The following RNLS variants were observed in gnomAD, a reference collection of about 807,000 sequenced individuals.
RNLS encodes renalase.
Under a neutral mutation model 39.8 loss-of-function variants are expected in RNLS, and 39 were observed. The observed-to-expected ratio is 0.98, with a 90% CI of 0.76 to 1.28. The LOEUF (loss-of-function observed/expected upper bound fraction) is 1.28, where lower values mean the gene tolerates loss of function less well. Ranked by LOEUF, RNLS falls within the 50% of genes most tolerant of loss-of-function variation. The probability of loss-of-function intolerance (pLI) is 0.00; values close to 1 mark genes in which losing one functional copy is unlikely to be tolerated. For missense variants in RNLS, 410 were observed against 413.3 expected, an observed-to-expected ratio of 0.99 and a Z score of 0.07; for synonymous variants, 147 against 150.7, an observed-to-expected ratio of 0.98 and a Z score of 0.18.
intron 4 of RNLS, among the ~76,000 whole-genome samples, chr10:88,366,663 GAAAAAAAAAAAAA>G (rs774157650): frequency 3.1e-4 from 8 of 25,840 alleles, no homozygotes; most frequent in Non-Finnish European, 4.0e-4. Flanking sequence ...TAAGTTTTCT[GAAAAAAAAAAAAA>G]AAAAAAAAAA....
intron 4 of RNLS, among the ~76,000 whole-genome samples, chr10:88,421,499 A>G (rs1298238430): frequency 2.0e-5 from 3 of 152,026 alleles, no homozygotes; most frequent in African/African-American, 7.2e-5. Flanking sequence ...AGCTTCTCAT[A>G]TGTGTTCATT....
intron 4 of RNLS, among the ~76,000 whole-genome samples, chr10:88,438,427 C>T (rs1328274980): frequency 6.6e-6 from 1 of 152,248 alleles, no homozygotes; most frequent in East Asian, 1.9e-4. Flanking sequence ...AAAATTTATG[C>T]TACTTATAAC....
At chr10:88,469,564 C>G (rs895771848) in intron 4 of RNLS, among the ~76,000 whole-genome samples, 6 of 152,112 alleles carry the variant, frequency 3.9e-5, no homozygotes, top group African/African-American at 1.4e-4. Flanking sequence ...TAAAGAAATA[C>G]TGAATTAAAG....
At chr10:88,253,576 G>T in the RNLS span, among the ~76,000 whole-genome samples, 4 of 152,148 alleles carry the variant, frequency 2.6e-5, no homozygotes, top group Non-Finnish European at 5.9e-5. Flanking sequence ...AGAACCATGT[G>T]GTGCCCTTTC....
intron 4 of RNLS, among the ~76,000 whole-genome samples, chr10:88,552,679 T>C (rs1848654498): frequency 6.6e-6 from 1 of 152,184 alleles, no homozygotes; most frequent in Admixed American, 6.5e-5. Flanking sequence ...CTGAGTGCTA[T>C]CATCTTAAAA....
intron 6 of RNLS, among the ~76,000 whole-genome samples, chr10:88,299,999 A>G (rs1302402160): frequency 6.6e-6 from 1 of 152,246 alleles, no homozygotes; most frequent in Admixed American, 6.5e-5. Flanking sequence ...CAAAAAAAGA[A>G]TGATATAAGA....
At chr10:88,203,259 T>TATATATATATATATATATATATATAC in the RNLS span, among the ~76,000 whole-genome samples, 3 of 20,380 alleles carry the variant, frequency 1.5e-4, 1 homozygote, top group East Asian at 3.1e-3. Flanking sequence ...TGTGTGTGTG[T>TATATATATATATATATATATATATAC]GTGTGTATGT....
intron 4 of RNLS, among the ~76,000 whole-genome samples, chr10:88,561,327 T>G (rs1011523233): frequency 2.0e-5 from 3 of 152,056 alleles, no homozygotes. Context: ...TTGATTATAA[T>G]GAAAACAATG....
intron 4 of RNLS, among the ~76,000 whole-genome samples, chr10:88,393,666 T>A (rs1852360019): frequency 6.6e-6 from 1 of 152,108 alleles, no homozygotes; most frequent in African/African-American, 2.4e-5. Context: ...TACCAATGAC[T>A]TTCTTCACAG....
the RNLS span, among the ~76,000 whole-genome samples, chr10:88,179,885 C>T: frequency 6.6e-6 from 1 of 152,238 alleles, no homozygotes; most frequent in African/African-American, 2.4e-5. Flanking sequence ...GGAGGTGAAT[C>T]TTCCATAAAC....
At chr10:88,471,879 T>C (rs1440474768) in intron 4 of RNLS, among the ~76,000 whole-genome samples, 1 of 152,096 alleles carries the variant, frequency 6.6e-6, no homozygotes, top group African/African-American at 2.4e-5. Flanking sequence ...AGAGTTGTTA[T>C]TGGAGATCAG....
At chr10:88,500,052 A>C (rs1845388799) in intron 4 of RNLS, among the ~76,000 whole-genome samples, 1 of 152,196 alleles carries the variant, frequency 6.6e-6, no homozygotes, top group African/African-American at 2.4e-5. Flanking sequence ...CAACCTGTAA[A>C]GATTTAATGA....
chr10:88,244,262 A>G, the RNLS span, among the ~76,000 whole-genome samples: 1 of 151,718 alleles, frequency 6.6e-6, no homozygotes, highest in African/African-American at 2.4e-5. Context: ...GGCGCTGCCC[A>G]CTCCCTCCTC....
chr10:88,572,780 T>A (rs1200324446), intron 4 of RNLS, 123 bp downstream of exon 4: 1 of 1,016,936 alleles, frequency 9.8e-7, no homozygotes, highest in African/African-American at 1.6e-5. Context: ...AGTATCAGTT[T>A]TTAAGACAGG....
At chr10:88,547,430 A>G (rs572525837) in intron 4 of RNLS, among the ~76,000 whole-genome samples, 2 of 152,346 alleles carry the variant, frequency 1.3e-5, no homozygotes, top group East Asian at 3.9e-4. Flanking sequence ...ACTAATATAC[A>G]TATCTTTGCA....
the RNLS span, among the ~76,000 whole-genome samples, chr10:88,251,223 G>A: frequency 6.6e-6 from 1 of 152,182 alleles, no homozygotes; most frequent in Non-Finnish European, 1.5e-5. Context: ...TAAAAGAAGA[G>A]CACTGCACTA....
the RNLS span, among the ~76,000 whole-genome samples, chr10:88,202,590 G>A: frequency 6.6e-6 from 1 of 152,180 alleles, no homozygotes; most frequent in African/African-American, 2.4e-5. Flanking sequence ...CCTTATCCAT[G>A]AGCAGAGTTT....
chr10:88,287,105 T>C (rs932241428), intron 6 of RNLS, among the ~76,000 whole-genome samples: 1 of 152,156 alleles, frequency 6.6e-6, no homozygotes, highest in Non-Finnish European at 1.5e-5. Flanking sequence ...GCCTGCAGTT[T>C]TCTTAAAGCA....
the RNLS span, among the ~76,000 whole-genome samples, chr10:88,218,625 C>G: frequency 6.6e-6 from 1 of 152,314 alleles, no homozygotes; most frequent in East Asian, 1.9e-4. Context: ...GACCCAGCCT[C>G]CCAGGCCTAT....
Sources: gnomAD v4.1 joint callset for allele counts (sites outside exome capture counted in the v4.1 genomes callset) on GRCh38, gnomAD v4.1.1 for gene constraint, MANE v1.5 for transcripts, NCBI Gene and HGNC (gene_info 2026-07-23, HGNC 2026-07-21) for gene names.